Variants in PAPPA2 observed in about 807,000 individuals in gnomAD.
PAPPA2 encodes the protein pappalysin-2.
A neutral mutation model predicts 176.4 loss-of-function variants in PAPPA2; 86 were observed. The observed-to-expected ratio is 0.49, with a 90% CI of 0.41 to 0.58. The LOEUF (loss-of-function observed/expected upper bound fraction) is 0.58, where lower values mean the gene tolerates loss of function less well. PAPPA2 is among the 20% of genes least tolerant of loss of function. PAPPA2 has a pLI of 0.00. For missense variants in PAPPA2, 2,073 were observed against 2,256.9 expected (o/e 0.92, Z 1.65); for synonymous variants, 809 against 852.2 (o/e 0.95, Z 0.88).
rs143402001 is a variant in PAPPA2 at position 176,719,566 on chromosome 1, G to T, written c.3798+7585G>T. 2.6e-5 allele frequency among the ~76,000 whole-genome samples: 4 copies of T among 152,020 alleles called. No homozygotes were observed. In the East Asian group the frequency reaches 5.8e-4, roughly 22 times the overall value. Reference sequence around the variant, plus strand: ...TTCCTTTAACGTAAGTTTTTTTCTTGACATCACTTCTGGGACAGCTTCTTC... The same window carrying T: ...TTCCTTTAACGTAAGTTTTTTTCTTTACATCACTTCTGGGACAGCTTCTTC... On this transcript the variant is annotated intron_variant, in intron 12 of 22. Transcript: ENST00000367662.
At chr1:176,541,462 T>A (rs963299235) in intron 1 of PAPPA2, among the ~76,000 whole-genome samples, 1 of 152,208 alleles carries the variant, frequency 6.6e-6, no homozygotes, top group Admixed American at 6.5e-5. Context: ...CATTGGAAAT[T>A]ACCACTGGCA....
intron 3 of PAPPA2, among the ~76,000 whole-genome samples, chr1:176,642,271 G>T (rs1657142163): frequency 6.6e-6 from 1 of 151,838 alleles, no homozygotes; most frequent in South Asian, 2.1e-4. Flanking sequence ...AACAATAATT[G>T]CAAAGGATAC....
At chr1:176,765,536 G>A (rs931129501) in intron 14 of PAPPA2, 130 bp from the exon 15 acceptor site, 1 of 841,582 alleles carries the variant, frequency 1.2e-6, no homozygotes, top group Non-Finnish European at 1.9e-6. Flanking sequence ...AAGGTGATGA[G>A]TTAAATATCA....
chr1:176,795,181 T>G (rs1665371283), intron 20 of PAPPA2, among the ~76,000 whole-genome samples: 1 of 151,602 alleles, frequency 6.6e-6, no homozygotes, highest in Admixed American at 6.6e-5. Flanking sequence ...TTTTATTTTC[T>G]CATCCCTTTT....
chr1:176,618,778 T>A (rs1655421557), intron 3 of PAPPA2, among the ~76,000 whole-genome samples: 1 of 152,226 alleles, frequency 6.6e-6, no homozygotes, highest in Non-Finnish European at 1.5e-5. Context: ...GGATTTGTAT[T>A]CATTGCATCT....
intron 2 of PAPPA2, among the ~76,000 whole-genome samples, chr1:176,574,340 A>G (rs1452146887): frequency 1.3e-5 from 2 of 152,112 alleles, no homozygotes; most frequent in African/African-American, 2.4e-5. Flanking sequence ...TATTATCTCC[A>G]TTTACTGGAT....
intron 1 of PAPPA2, among the ~76,000 whole-genome samples, chr1:176,474,838 G>T (rs1306192340): frequency 6.6e-6 from 1 of 152,140 alleles, no homozygotes; most frequent in Non-Finnish European, 1.5e-5. Context: ...ACTTGTCATG[G>T]CTCTAGAAAT....
chr1:176,618,250 C>T lies in PAPPA2; in HGVS notation c.1991+22655C>T, dbSNP rs1033290971. On this transcript the variant is annotated intron_variant, in intron 3 of 22. Transcript: ENST00000367662. Reference sequence around the variant, plus strand: ...GCCACTATAGATTGAATTTTATGACCTCCATGTGTAGTTCATATTCTGAGT... The same window carrying T: ...GCCACTATAGATTGAATTTTATGACTTCCATGTGTAGTTCATATTCTGAGT... 2.0e-5 allele frequency among the ~76,000 whole-genome samples: 3 copies of T among 152,174 alleles called. No individual in the cohort carries two copies. The East Asian group carries it at 5.8e-4, about 29-fold the overall frequency.
chr1:176,564,265 T>C (rs1573047669), intron 2 of PAPPA2, among the ~76,000 whole-genome samples: 1 of 152,190 alleles, frequency 6.6e-6, no homozygotes, highest in East Asian at 1.9e-4. Flanking sequence ...CTCTAGACTC[T>C]TGAGTCCAAG....
chr1:176,781,066 T>TG (rs1288800379), intron 17 of PAPPA2, among the ~76,000 whole-genome samples: 2 of 152,236 alleles, frequency 1.3e-5, no homozygotes, highest in African/African-American at 4.8e-5. Flanking sequence ...TGAAAATAGA[T>TG]GAAGTAGGAG....
At chr1:176,491,781 A>G (rs1262502263) in intron 1 of PAPPA2, among the ~76,000 whole-genome samples, 5 of 152,134 alleles carry the variant, frequency 3.3e-5, no homozygotes, top group African/African-American at 4.8e-5. Context: ...AAATGCAAGT[A>G]TTTCTAATTT....
chr1:176,715,537 A>C (rs1661330910), intron 12 of PAPPA2, among the ~76,000 whole-genome samples: 1 of 152,186 alleles, frequency 6.6e-6, no homozygotes, highest in African/African-American at 2.4e-5. Flanking sequence ...AGTGGGAAAC[A>C]GTCATATCTC....
At chr1:176,580,759 G>A (rs1005174225) in intron 2 of PAPPA2, among the ~76,000 whole-genome samples, 3 of 151,934 alleles carry the variant, frequency 2.0e-5, no homozygotes, top group Admixed American at 1.3e-4. Context: ...TCATATATTT[G>A]TTGGCTATTG....
chr1:176,621,342 TTA>T (rs1655584666), intron 3 of PAPPA2, among the ~76,000 whole-genome samples: 1 of 152,194 alleles, frequency 6.6e-6, no homozygotes, highest in Non-Finnish European at 1.5e-5. Context: ...AATGTGCTCA[TTA>T]GGAAACTCAG....
Position 176,771,118 on chromosome 1 carries a change from C to A in PAPPA2, c.4653C>A (p.Ile1551=). The A allele has an allele frequency of 6.2e-7, 1 of 1,614,192 alleles. No homozygotes were observed. Among genetic ancestry groups the A allele is most frequent in the Non-Finnish European group, 8.5e-7 (1 of 1,180,026 alleles). The stretch of plus-strand genomic sequence containing the variant: ...AGGACAACCACGACGTGGGCACCAT[C>A]TGCAAATATGAATGCAAACCAGGGT... ...CLQDNHDVGT[I]CKYECKPGYY... Residue 1551 remains isoleucine, a synonymous_variant, in exon 17 of 23, where the codon ATC becomes ATA. Coordinates refer to ENST00000367662, the MANE Select transcript of PAPPA2 (RefSeq NM_020318.3).
intron 3 of PAPPA2, among the ~76,000 whole-genome samples, chr1:176,667,404 GA>G (rs1399654063): frequency 6.6e-6 from 1 of 152,154 alleles, no homozygotes; most frequent in East Asian, 1.9e-4. Flanking sequence ...ACAGAAAAAT[GA>G]AAGGAAGTGG....
intron 2 of PAPPA2, among the ~76,000 whole-genome samples, chr1:176,575,368 A>G (rs1010541918): frequency 6.6e-6 from 1 of 152,212 alleles, no homozygotes; most frequent in African/African-American, 2.4e-5. Context: ...TAATCATTAT[A>G]ATTTTTAACA....
At chr1:176,705,063 C>G (rs1660821463) in intron 9 of PAPPA2, among the ~76,000 whole-genome samples, 1 of 152,050 alleles carries the variant, frequency 6.6e-6, no homozygotes, top group Non-Finnish European at 1.5e-5. Context: ...AAGATTATTC[C>G]TGGACCCCTT....
At chr1:176,797,018 T>A (rs1269872956) in intron 20 of PAPPA2, among the ~76,000 whole-genome samples, 1 of 152,238 alleles carries the variant, frequency 6.6e-6, no homozygotes, top group Non-Finnish European at 1.5e-5. Flanking sequence ...ACTTTTTTTA[T>A]GTTGGAAAGT....
Sources: gnomAD v4.1 joint callset for allele counts (sites outside exome capture counted in the v4.1 genomes callset) on GRCh38, gnomAD v4.1.1 for gene constraint, MANE v1.5 for transcripts, NCBI Gene and HGNC (gene_info 2026-07-23, HGNC 2026-07-21) for gene names.